Variants in IGBP1C observed in about 807,000 individuals in gnomAD.
IGBP1C encodes IGBP1 family member C, also known as immunoglobulin-binding protein 1 family member C.
chr17:58,678,863 G>A, the IGBP1C span, among the ~76,000 whole-genome samples: 1 of 99,706 alleles, frequency 1.0e-5, no homozygotes, highest in Non-Finnish European at 2.1e-5. Context: ...TAAAAGAGAA[G>A]GACACTGGAG....
chr17:58,678,478 C>T, the IGBP1C span, among the ~76,000 whole-genome samples: 4 of 152,154 alleles, frequency 2.6e-5, no homozygotes, highest in South Asian at 4.2e-4. Context: ...ATATACACCA[C>T]GGAACACTAT....
chr17:58,682,949 G>A, the IGBP1C span, among the ~76,000 whole-genome samples: 2 of 151,636 alleles, frequency 1.3e-5, no homozygotes, highest in Non-Finnish European at 2.9e-5. Flanking sequence ...GCTGGATGCG[G>A]TGGCTAACAC....
the IGBP1C span, among the ~76,000 whole-genome samples, chr17:58,685,977 A>G: frequency 3.1e-5 from 4 of 129,012 alleles, no homozygotes; most frequent in African/African-American, 1.2e-4. Context: ...CCTGGGCGAC[A>G]GGGCAAGACT....
chr17:58,691,003 G>A, the IGBP1C span, among the ~76,000 whole-genome samples: 1 of 152,064 alleles, frequency 6.6e-6, no homozygotes, highest in Non-Finnish European at 1.5e-5. Context: ...ACCGGTGCAT[G>A]CCACCATGCC....
chr17:58,666,079 C>T, the IGBP1C span, among the ~76,000 whole-genome samples: 1 of 150,768 alleles, frequency 6.6e-6, no homozygotes, highest in Non-Finnish European at 1.5e-5. Context: ...TGCCATGGCT[C>T]ACGCCTGTAA....
At chr17:58,673,048 A>G in the IGBP1C span, among the ~76,000 whole-genome samples, 1 of 151,806 alleles carries the variant, frequency 6.6e-6, no homozygotes, top group Non-Finnish European at 1.5e-5. Flanking sequence ...CCTTTTATAC[A>G]TACTTTTTTT....
At chr17:58,661,374 TG>T in the IGBP1C span, 2 of 927,030 alleles carry the variant, frequency 2.2e-6, no homozygotes, top group Non-Finnish European at 3.6e-6. Context: ...TTCAGGTCGG[TG>T]GAAGTAATCT....
the IGBP1C span, chr17:58,675,140 T>A: frequency 1.4e-5 from 2 of 146,920 alleles, no homozygotes; most frequent in African/African-American, 2.5e-5. Flanking sequence ...AGGGAAACCA[T>A]CTCCAAAAAA....
chr17:58,686,117 G>A, the IGBP1C span, among the ~76,000 whole-genome samples: 2 of 152,002 alleles, frequency 1.3e-5, no homozygotes, highest in Non-Finnish European at 2.9e-5. Context: ...TTGGGAGGCC[G>A]AGGAGTCCTT....
chr17:58,672,234 T>G, the IGBP1C span, among the ~76,000 whole-genome samples: 1 of 152,174 alleles, frequency 6.6e-6, no homozygotes, highest in African/African-American at 2.4e-5. Context: ...GCCTAGTTCC[T>G]AACAGGCCAC....
At chr17:58,670,408 T>C in the IGBP1C span, among the ~76,000 whole-genome samples, 1 of 150,804 alleles carries the variant, frequency 6.6e-6, no homozygotes, top group Non-Finnish European at 1.5e-5. Context: ...GAAGCCTAAA[T>C]AAACTTTGGG....
the IGBP1C span, among the ~76,000 whole-genome samples, chr17:58,684,611 C>T: frequency 4.0e-5 from 6 of 150,582 alleles, no homozygotes; most frequent in East Asian, 9.7e-4. Flanking sequence ...CCAGCCTGGG[C>T]GACAGTGAGA....
At chr17:58,678,368 A>T in the IGBP1C span, among the ~76,000 whole-genome samples, 106 of 152,306 alleles carry the variant, frequency 7.0e-4, 1 homozygote, top group African/African-American at 2.5e-3. Context: ...ATAAAGACAC[A>T]TGCACGTGTA....
chr17:58,672,411 C>T, the IGBP1C span, among the ~76,000 whole-genome samples: 15 of 152,164 alleles, frequency 9.9e-5, no homozygotes, highest in Admixed American at 7.2e-4. Flanking sequence ...TTTATGCAAA[C>T]TGCAACTACA....
chr17:58,689,516 G>A, the IGBP1C span, among the ~76,000 whole-genome samples: 1 of 152,234 alleles, frequency 6.6e-6, no homozygotes, highest in African/African-American at 2.4e-5. Context: ...ACCGTGCCCG[G>A]CCTACCCCAT....
At chr17:58,675,958 G>A in the IGBP1C span, among the ~76,000 whole-genome samples, 1 of 152,118 alleles carries the variant, frequency 6.6e-6, no homozygotes, top group African/African-American at 2.4e-5. Context: ...ACTACTATGG[G>A]CCAGGTGCCG....
At chr17:58,676,384 A>C in the IGBP1C span, among the ~76,000 whole-genome samples, 7 of 151,030 alleles carry the variant, frequency 4.6e-5, no homozygotes, top group Non-Finnish European at 7.4e-5. Flanking sequence ...CTCAAAAAAA[A>C]CCAAAAAAAC....
chr17:58,687,811 T>C, the IGBP1C span, among the ~76,000 whole-genome samples: 1 of 152,152 alleles, frequency 6.6e-6, no homozygotes, highest in African/African-American at 2.4e-5. Context: ...TTAACAGCAA[T>C]AGGTCCTTCC....
the IGBP1C span, chr17:58,666,533 C>T: frequency 7.0e-6 from 1 of 141,894 alleles, no homozygotes; most frequent in Non-Finnish European, 1.5e-5. Flanking sequence ...TCAACTACCA[C>T]AACCAGCAGC....
Sources: allele counts gnomAD v4.1 joint callset (sites outside exome capture counted in the v4.1 genomes callset), GRCh38; gene constraint gnomAD v4.1.1; transcripts MANE v1.5; gene names NCBI Gene and HGNC (gene_info 2026-07-23, HGNC 2026-07-21).